GPC3: variants seen among roughly 807,000 people sequenced by gnomAD.
The protein encoded by GPC3 is glypican-3.
Under a neutral mutation model 34.4 loss-of-function variants are expected in GPC3, and 3 were observed. The observed-to-expected ratio is 0.09, with a 90% CI of 0.04 to 0.23. GPC3 has a LOEUF of 0.23. Ranked by LOEUF, GPC3 falls within the 10% of genes least tolerant of loss-of-function variation. GPC3 has a pLI of 1.00. For synonymous variants in GPC3, 177 were observed against 174.0 expected (o/e 1.02, Z -0.13); for missense variants, 351 against 445.6 (o/e 0.79, Z 1.91).
At chrX:133,732,415 C>T (rs1270566053) in intron 3 of GPC3, among the ~76,000 whole-genome samples, 6 of 111,523 alleles carry the variant, frequency 5.4e-5, no homozygotes, top group African/African-American at 1.3e-4. Context: ...TAGGTTAGTT[C>T]GTCTGGGCTG....
chrX:133,669,868 A>T (rs7884033), intron 5 of GPC3, among the ~76,000 whole-genome samples: 7,808 of 111,535 alleles, frequency 0.07, 691 homozygotes, highest in African/African-American at 0.24. Flanking sequence ...CAGTTTGGTA[A>T]CTGTTTAGCA....
Position 133,905,501 on chromosome X carries a change from C to T in GPC3, c.337+47549G>A, listed in dbSNP as rs144838766. On this transcript the variant is annotated intron_variant, in intron 2 of 7. Transcript: ENST00000370818. ...CAGCTTTCTTTCAAGTTGTCCAGAT[C>T]CCCCGTTTAAGAATACCCATCCCCG... 5.5e-3 allele frequency among the ~76,000 whole-genome samples: 615 copies of T among 111,839 alleles called. 4 individuals are homozygous for T. Among genetic ancestry groups the T allele is most frequent in the African/African-American group, 0.019 (591 of 30,792 alleles).
At chrX:133,566,071 G>A (rs2069578982) in intron 7 of GPC3, among the ~76,000 whole-genome samples, 1 of 112,488 alleles carries the variant, frequency 8.9e-6, no homozygotes, top group Non-Finnish European at 1.9e-5. Context: ...AATTGGAAGA[G>A]TGACTTTAAT....
intron 5 of GPC3, among the ~76,000 whole-genome samples, chrX:133,690,403 AGAG>A (rs974946385): frequency 9.0e-6 from 1 of 111,656 alleles, no homozygotes; most frequent in African/African-American, 3.3e-5. Context: ...CTTCCCTTAC[AGAG>A]GAGGAGGACC....
intron 2 of GPC3, among the ~76,000 whole-genome samples, chrX:133,932,886 A>T (rs1335021700): frequency 9.0e-6 from 1 of 111,523 alleles, no homozygotes; most frequent in African/African-American, 3.3e-5. Flanking sequence ...AAGAAAATTA[A>T]TTTGCCTGAT....
intron 4 of GPC3, 99 bp from the exon 5 acceptor site, chrX:133,692,593 C>A (rs1280144043): frequency 1.4e-6 from 1 of 710,256 alleles, no homozygotes; most frequent in Non-Finnish European, 2.2e-6. Context: ...CTCTGCCAGG[C>A]TGATTAGAGC....
At chrX:133,625,782 A>G (rs772326633) in intron 6 of GPC3, among the ~76,000 whole-genome samples, 6 of 111,721 alleles carry the variant, frequency 5.4e-5, no homozygotes, top group Non-Finnish European at 1.1e-4. Context: ...TCAAGCTACC[A>G]ATGACTTTCT....
chrX:133,666,945 T>G (rs760940458), intron 5 of GPC3, among the ~76,000 whole-genome samples: 3 of 112,509 alleles, frequency 2.7e-5, no homozygotes, highest in Non-Finnish European at 5.6e-5. Flanking sequence ...TATTTTTTTA[T>G]ATCCTTCTAT....
intron 2 of GPC3, among the ~76,000 whole-genome samples, chrX:133,875,968 A>T (rs1039476454): frequency 2.7e-5 from 3 of 111,625 alleles, no homozygotes; most frequent in Non-Finnish European, 1.9e-5. Context: ...TGCCTTGATT[A>T]AAAAAAATTG....
intron 7 of GPC3, among the ~76,000 whole-genome samples, chrX:133,577,570 G>A (rs1008092652): frequency 9.0e-6 from 1 of 111,168 alleles, no homozygotes; most frequent in Admixed American, 9.6e-5. Context: ...GTGCTCTGGG[G>A]GAGTCTGGGA....
At chrX:133,932,282 T>C (rs1014534663) in intron 2 of GPC3, among the ~76,000 whole-genome samples, 1 of 112,389 alleles carries the variant, frequency 8.9e-6, no homozygotes, top group African/African-American at 3.2e-5. Flanking sequence ...AGCTTTGCTA[T>C]TGTTGTTTGG....
chrX:133,551,357 T>C (rs1477529181), intron 7 of GPC3, among the ~76,000 whole-genome samples: 1 of 112,266 alleles, frequency 8.9e-6, no homozygotes, highest in Non-Finnish European at 1.9e-5. Context: ...GGCTGCAGGA[T>C]GCTTGCCAGG....
intron 3 of GPC3, among the ~76,000 whole-genome samples, chrX:133,725,445 T>C (rs184161418): frequency 1.8e-5 from 2 of 112,605 alleles, no homozygotes; most frequent in Admixed American, 1.9e-4. Flanking sequence ...TGATTCCTAT[T>C]ACAAAATATT....
At chrX:133,911,625 A>T (rs923875636) in intron 2 of GPC3, among the ~76,000 whole-genome samples, 1 of 111,932 alleles carries the variant, frequency 8.9e-6, no homozygotes, top group African/African-American at 3.2e-5. Context: ...CCAAATAGAT[A>T]ACCGAAATTT....
intron 1 of GPC3, 57 bp downstream of exon 1, chrX:133,985,218 C>G (rs1324616754): frequency 5.2e-6 from 6 of 1,163,192 alleles, no homozygotes; most frequent in Non-Finnish European, 7.0e-6. Flanking sequence ...GGTACAGCCA[C>G]CACGCGCGCC....
intron 1 of GPC3, among the ~76,000 whole-genome samples, chrX:133,972,992 T>C (rs1284156564): frequency 9.1e-6 from 1 of 110,368 alleles, no homozygotes; most frequent in Non-Finnish European, 1.9e-5. Flanking sequence ...GCAAAGATAA[T>C]GAAGTCATGG....
At chrX:133,652,849 C>A (rs1030013273) in intron 6 of GPC3, among the ~76,000 whole-genome samples, 2 of 112,263 alleles carry the variant, frequency 1.8e-5, no homozygotes, top group Non-Finnish European at 3.8e-5. Flanking sequence ...TTGTTTTCAT[C>A]GGATTTTGTT....
chrX:133,860,878 G>T (rs1483449076), intron 2 of GPC3, among the ~76,000 whole-genome samples: 1 of 111,619 alleles, frequency 9.0e-6, no homozygotes, highest in Non-Finnish European at 1.9e-5. Flanking sequence ...GAGGCAGGTG[G>T]ATCGCCTGAG....
intron 2 of GPC3, among the ~76,000 whole-genome samples, chrX:133,787,350 T>A (rs1156877230): frequency 1.8e-5 from 2 of 112,620 alleles, no homozygotes; most frequent in Non-Finnish European, 1.9e-5. Context: ...GGATACTAGT[T>A]AGGTTCTGGT....
Sources: allele counts gnomAD v4.1 joint callset (sites outside exome capture counted in the v4.1 genomes callset), GRCh38; gene constraint gnomAD v4.1.1; transcripts MANE v1.5; gene names NCBI Gene and HGNC (gene_info 2026-07-23, HGNC 2026-07-21).